RABGAP1L: variants seen among roughly 807,000 people sequenced by gnomAD.
RABGAP1L encodes the protein RAB GTPase activating protein 1 like, also known as rab GTPase-activating protein 1-like.
RABGAP1L carries 63 observed loss-of-function variants against 137.7 expected under a neutral mutation model. The observed-to-expected ratio is 0.46, with a 90% CI of 0.37 to 0.56. The LOEUF (loss-of-function observed/expected upper bound fraction) is 0.56. Ranked by LOEUF, RABGAP1L falls within the 20% of genes least tolerant of loss-of-function variation. RABGAP1L has a pLI of 0.00. For synonymous variants in RABGAP1L, 431 were observed against 433.7 expected (o/e 0.99, Z 0.08); for missense variants, 1,095 against 1,244.0 (o/e 0.88, Z 1.80).
intron 14 of RABGAP1L, among the ~76,000 whole-genome samples, chr1:174,664,237 A>G (rs1015013332): frequency 6.6e-6 from 1 of 152,206 alleles, no homozygotes; most frequent in Non-Finnish European, 1.5e-5. Flanking sequence ...TTTATAGAAC[A>G]TAAGTATTAA....
chr1:174,431,278 A>G (rs988997279), intron 13 of RABGAP1L, among the ~76,000 whole-genome samples: 1 of 152,176 alleles, frequency 6.6e-6, no homozygotes, highest in Non-Finnish European at 1.5e-5. Context: ...GATAATTCTA[A>G]TTTTTATGGG....
At position 174,524,203 on chromosome 1, in the gene RABGAP1L, TG is replaced by T. The variant is rs1213234065; in HGVS notation, c.1711-113171del. 4.0e-3 allele frequency among the ~76,000 whole-genome samples: 603 copies of T among 150,088 alleles called. 5 individuals carry two copies. The highest frequency in any genetic ancestry group is 0.012 in the African/African-American group (506 of 41,202). On this transcript the variant is annotated intron_variant, in intron 13 of 25. Transcript: ENST00000681986. The stretch of plus-strand genomic sequence containing the variant: ...GTTCTATTGTTGTTGTTGTTGTTGT[TG>T]TTGTTTTTTTAAGAAATCTCTATAC...
chr1:174,589,646 G>A (rs1185017009), intron 13 of RABGAP1L, among the ~76,000 whole-genome samples: 3 of 152,144 alleles, frequency 2.0e-5, no homozygotes, highest in African/African-American at 7.2e-5. Context: ...TATGTCGAGA[G>A]AAAGGGGTCT....
At chr1:174,946,944 GTGTGTGT>G (rs1666945202) in intron 19 of RABGAP1L, among the ~76,000 whole-genome samples, 1 of 53,362 alleles carries the variant, frequency 1.9e-5, no homozygotes, top group Non-Finnish European at 3.6e-5. Context: ...ATATATATGT[GTGTGTGT>G]GTGTGTGTGT....
Position 174,885,140 on chromosome 1 carries a change from C to CA in RABGAP1L, c.2341-72316dup, listed in dbSNP as rs572993412. On this transcript the variant is annotated intron_variant, in intron 19 of 25. Transcript: ENST00000681986. ...ACTGAAATCGGCCAGAAGTCCCTCT[C>CA]ATGTTATATCTAAAGTAAACCTATC... is the stretch of plus-strand genomic sequence containing the variant. Among the ~76,000 whole-genome samples, 29 of 152,338 alleles carry CA rather than the reference C, an allele frequency of 1.9e-4. No individual in the cohort carries two copies. The South Asian group carries it at 3.5e-3, about 18-fold the overall frequency.
At chr1:174,933,189 C>T (rs1664151973) in intron 19 of RABGAP1L, among the ~76,000 whole-genome samples, 1 of 152,102 alleles carries the variant, frequency 6.6e-6, no homozygotes, top group Admixed American at 6.6e-5. Flanking sequence ...TTTCTTCAAC[C>T]CCACAGAGCT....
intron 13 of RABGAP1L, among the ~76,000 whole-genome samples, chr1:174,460,069 G>A (rs1349293815): frequency 6.6e-6 from 1 of 151,952 alleles, no homozygotes; most frequent in Non-Finnish European, 1.5e-5. Context: ...TAATTTGAGT[G>A]ACAAGGTATA....
intron 11 of RABGAP1L, among the ~76,000 whole-genome samples, chr1:174,334,628 C>T (rs1311955918): frequency 6.6e-6 from 1 of 152,170 alleles, no homozygotes; most frequent in African/African-American, 2.4e-5. Flanking sequence ...TGCCTCTGGG[C>T]TATTGCACTT....
intron 13 of RABGAP1L, among the ~76,000 whole-genome samples, chr1:174,510,081 T>C (rs1001651001): frequency 6.6e-6 from 1 of 152,182 alleles, no homozygotes; most frequent in African/African-American, 2.4e-5. Flanking sequence ...GTAATGCCAT[T>C]ACTCTAAAAA....
rs1181121009 is a variant in RABGAP1L at position 174,236,489 on chromosome 1, A to G, written c.543-4994A>G. On this transcript the variant is annotated intron_variant, in intron 4 of 25. Coordinates refer to ENST00000681986, the MANE Select transcript of RABGAP1L (RefSeq NM_001366446.1). Reference sequence around the variant, plus strand: ...TTGTGTCTTTGTTCTCGTTGGTTTCAAAGAACATCTTTATTTCTGCCTTCA... The same window carrying G: ...TTGTGTCTTTGTTCTCGTTGGTTTCGAAGAACATCTTTATTTCTGCCTTCA... 3.2e-3 allele frequency among the ~76,000 whole-genome samples: 472 copies of G among 146,776 alleles called. 1 individual carries two copies. Among genetic ancestry groups the G allele is most frequent in the African/African-American group, 0.011 (456 of 39,806 alleles).
intron 19 of RABGAP1L, among the ~76,000 whole-genome samples, chr1:174,950,828 T>A (rs1667587732): frequency 6.6e-6 from 1 of 152,186 alleles, no homozygotes; most frequent in Non-Finnish European, 1.5e-5. Context: ...ACCAGGAATC[T>A]TCACTTCTGA....
chr1:174,984,337 T>C (rs528971953), intron 24 of RABGAP1L, among the ~76,000 whole-genome samples: 6 of 152,372 alleles, frequency 3.9e-5, no homozygotes, highest in African/African-American at 1.4e-4. Context: ...TGTGCATAGC[T>C]ATTAGACTGC....
At chr1:174,471,394 C>T (rs1657919924) in intron 13 of RABGAP1L, among the ~76,000 whole-genome samples, 1 of 152,032 alleles carries the variant, frequency 6.6e-6, no homozygotes, top group Non-Finnish European at 1.5e-5. Flanking sequence ...TTTTGAATAC[C>T]CAGTATACCT....
chr1:174,569,144 A>G (rs901948567), intron 13 of RABGAP1L, among the ~76,000 whole-genome samples: 41 of 152,164 alleles, frequency 2.7e-4, no homozygotes, highest in Admixed American at 2.0e-3. Flanking sequence ...CCTTTTCCCC[A>G]TACTAACAAC....
At chr1:174,855,620 A>G (rs971817706) in intron 19 of RABGAP1L, among the ~76,000 whole-genome samples, 1 of 152,174 alleles carries the variant, frequency 6.6e-6, no homozygotes, top group African/African-American at 2.4e-5. Flanking sequence ...TAGGATCCTT[A>G]AGTAAGCATT....
At chr1:174,306,575 TATG>T (rs1451985167) in intron 11 of RABGAP1L, among the ~76,000 whole-genome samples, 1 of 152,228 alleles carries the variant, frequency 6.6e-6, no homozygotes, top group African/African-American at 2.4e-5. Flanking sequence ...TGAAGTATCT[TATG>T]AGAAGTTTCA....
intron 11 of RABGAP1L, among the ~76,000 whole-genome samples, chr1:174,311,157 T>C (rs1409202526): frequency 6.6e-6 from 1 of 152,156 alleles, no homozygotes; most frequent in East Asian, 1.9e-4. Flanking sequence ...GGAGGTTTAA[T>C]TGACTCACAG....
At chr1:174,846,316 G>T (rs1163267578) in intron 19 of RABGAP1L, among the ~76,000 whole-genome samples, 2 of 149,978 alleles carry the variant, frequency 1.3e-5, no homozygotes, top group Admixed American at 1.3e-4. Flanking sequence ...TAATTGTGAT[G>T]TTAGGGTGTC....
At chr1:174,403,340 T>C (rs529857356) in intron 13 of RABGAP1L, among the ~76,000 whole-genome samples, 3 of 151,732 alleles carry the variant, frequency 2.0e-5, no homozygotes, top group Admixed American at 6.6e-5. Flanking sequence ...GTGGTGGCTC[T>C]TCACAGGTGT....
Sources: gnomAD v4.1 joint callset for allele counts (sites outside exome capture counted in the v4.1 genomes callset) on GRCh38, gnomAD v4.1.1 for gene constraint, MANE v1.5 for transcripts, NCBI Gene and HGNC (gene_info 2026-07-23, HGNC 2026-07-21) for gene names.